Variants in JAKMIP3 observed in about 807,000 individuals in gnomAD.
JAKMIP3 encodes Janus kinase and microtubule interacting protein 3, also known as janus kinase and microtubule-interacting protein 3.
In JAKMIP3, 58 loss-of-function variants were observed where a neutral mutation model predicts 118.5. The ratio of observed to expected loss-of-function variants is 0.49; its 90% confidence interval spans 0.40 to 0.61. The LOEUF (loss-of-function observed/expected upper bound fraction) is 0.61. Ranked by LOEUF, JAKMIP3 falls within the 20% of genes least tolerant of loss-of-function variation. The pLI, the probability that JAKMIP3 is intolerant of heterozygous loss-of-function variation, is 0.00. For synonymous variants in JAKMIP3, 486 were observed against 451.2 expected, an observed-to-expected ratio of 1.08 and a Z score of -0.98; for missense variants, 950 against 1,109.0, an observed-to-expected ratio of 0.86 and a Z score of 2.04.
At chr10:132,129,355 G>A (rs999281995) in intron 3 of JAKMIP3, among the ~76,000 whole-genome samples, 2 of 152,090 alleles carry the variant, frequency 1.3e-5, no homozygotes, top group African/African-American at 2.4e-5. Flanking sequence ...CTTACCATTC[G>A]GACTCTCAGG....
chr10:132,152,023 C>T (rs1320661201), intron 16 of JAKMIP3, among the ~76,000 whole-genome samples: 1 of 152,340 alleles, frequency 6.6e-6, no homozygotes, highest in Middle Eastern at 3.4e-3. Context: ...TCAGCCTCCC[C>T]AACTTAAAGT....
intron 1 of JAKMIP3, among the ~76,000 whole-genome samples, chr10:132,097,019 C>T (rs906407288): frequency 6.6e-6 from 1 of 152,238 alleles, no homozygotes; most frequent in African/African-American, 2.4e-5. Flanking sequence ...CCAAGGCACA[C>T]AGGAGAGACG....
At chr10:132,108,785 T>C (rs2046304702) in intron 2 of JAKMIP3, among the ~76,000 whole-genome samples, 1 of 151,654 alleles carries the variant, frequency 6.6e-6, no homozygotes, top group Non-Finnish European at 1.5e-5. Flanking sequence ...GGAGAATCGC[T>C]TCAGCCCAGG....
intron 22 of JAKMIP3, among the ~76,000 whole-genome samples, chr10:132,167,348 C>T (rs1356453656): frequency 1.3e-5 from 2 of 152,210 alleles, no homozygotes; most frequent in East Asian, 3.9e-4. Context: ...CAGAAACATG[C>T]AGGACCCTCT....
chr10:132,131,600 T>G (rs2050627497), intron 3 of JAKMIP3, among the ~76,000 whole-genome samples: 2 of 151,856 alleles, frequency 1.3e-5, no homozygotes, highest in Admixed American at 1.3e-4. Context: ...TCTAGGGTTG[T>G]GAGTGGAGCA....
At chr10:132,150,177 C>T (rs2055813255) in intron 16 of JAKMIP3, 136 bp downstream of exon 16, 3 of 653,154 alleles carry the variant, frequency 4.6e-6, no homozygotes, top group South Asian at 1.8e-5. Context: ...CCACTAGGCC[C>T]AGAGCCTGCT....
chr10:132,117,389 G>A lies in JAKMIP3; in HGVS notation c.448G>A (p.Glu150Lys). Residue 150 changes from glutamate (E) to lysine (K), a missense_variant, in exon 3 of 24, where the codon GAG becomes AAG. Coordinates refer to ENST00000684848, the MANE Select transcript of JAKMIP3 (RefSeq NM_001323087.2). The surrounding 1 kb of genome is among the most constrained non-coding windows in gnomAD (Gnocchi z 8.6). ...KEEAKKGFEV[E>K]KVKMQQEISE... ...GGAGGCCAAGAAGGGGTTCGAGGTG[G>A]AGAAGGTCAAGATGCAGCAGGAGAT... The A allele has an allele frequency of 6.2e-7, 1 of 1,614,038 alleles. No homozygotes were observed. The highest frequency in any genetic ancestry group is 8.5e-7 in the Non-Finnish European group (1 of 1,179,904).
rs1438256500 is a variant in JAKMIP3 at position 132,182,422 on chromosome 10, G to A, written c.*1169G>A. On this transcript the variant is annotated 3_prime_UTR_variant, in exon 24 of 24. Coordinates refer to ENST00000684848, the MANE Select transcript of JAKMIP3 (RefSeq NM_001323087.2). ...TTTCCATTCCTGCTGGGAGACCCGG[G>A]ACGCAGCCCGGGAGCTTCGTCCAGC... 1 of 152,250 alleles carries A rather than the reference G, an allele frequency of 6.6e-6. No homozygotes were observed. The highest frequency in any genetic ancestry group is 1.5e-5 in the Non-Finnish European group (1 of 68,058). The allele number at this position is 152,250 out of a possible 1,614,324, so 9.4% of individuals were successfully genotyped here.
chr10:132,037,253 C>T (rs1010546168), intron 1 of JAKMIP3, among the ~76,000 whole-genome samples: 2 of 152,118 alleles, frequency 1.3e-5, no homozygotes, highest in African/African-American at 4.8e-5. Flanking sequence ...AAAATATTCT[C>T]TGCGTGTACC....
Position 132,184,366 on chromosome 10 carries a change from G to T in JAKMIP3, c.*3113G>T, listed in dbSNP as rs2061692926. The stretch of plus-strand genomic sequence containing the variant: ...AGAGTGCCCAAGTGTGGGTTTGGAG[G>T]CACTGACGCATTCGCCAACTCACCG... On this transcript the variant is annotated 3_prime_UTR_variant, in exon 24 of 24. Coordinates refer to ENST00000684848, the MANE Select transcript of JAKMIP3 (RefSeq NM_001323087.2). The T allele has an allele frequency of 6.6e-6, 1 of 152,186 alleles. No individual in the cohort carries two copies. Among genetic ancestry groups the T allele is most frequent in the South Asian group, 2.1e-4 (1 of 4,820 alleles). 9.4% of individuals were successfully genotyped at this position (152,186 alleles called of 1,614,324 possible). A position where few individuals can be genotyped will look rare whatever the true frequency, so the allele number is the denominator to read the frequency against.
intron 1 of JAKMIP3, among the ~76,000 whole-genome samples, chr10:132,102,243 G>A (rs1310730589): frequency 6.6e-6 from 1 of 152,144 alleles, no homozygotes; most frequent in Non-Finnish European, 1.5e-5. Flanking sequence ...TCCTCAGGAT[G>A]GAGCTGGAAA....
rs1188413798 is a variant in JAKMIP3, at chr10:132,180,702, T to TGCGC, written c.*1104-1654_*1104-1653insCGCG. Among the ~76,000 whole-genome samples the TGCGC allele has an allele frequency of 1.1e-3, 36 of 31,926 alleles. 4 individuals carry two copies. Among genetic ancestry groups the TGCGC allele is most frequent in the East Asian group, 3.4e-3 (2 of 586 alleles). 20.9% of individuals were successfully genotyped at this position (31,926 alleles called of 152,430 possible). A position where few individuals can be genotyped will look rare whatever the true frequency, so the allele number is the denominator to read the frequency against. ...GCGCGCGTGTGTGTGCGTGCGTGTG[T>TGCGC]GTGTGCGCGTGTGTGTGCGTGTGTG... On this transcript the variant is annotated intron_variant, in intron 23 of 23. Coordinates refer to ENST00000684848, the MANE Select transcript of JAKMIP3 (RefSeq NM_001323087.2).
At position 132,150,645 on chromosome 10, in the gene JAKMIP3, C is replaced by T. The variant is rs557955150; in HGVS notation, c.2007+604C>T. ...ATCTATCCTGTGTAATCCATCCATC[C>T]ATCCTCCATAATCCATGTATCCATC... On this transcript the variant is annotated intron_variant, in intron 16 of 23. Transcript: ENST00000684848. Among the ~76,000 whole-genome samples, 721 of 152,238 alleles carry T rather than the reference C, an allele frequency of 4.7e-3. 3 individuals are homozygous for T. The highest frequency in any genetic ancestry group is 0.016 in the African/African-American group (669 of 41,520).
chr10:132,136,127 C>A lies in JAKMIP3; in HGVS notation c.1116+51C>A. The A allele has an allele frequency of 8.2e-6, 13 of 1,586,216 alleles. 1 individual carries two copies. The Middle Eastern group carries it at 6.7e-4, about 82-fold the overall frequency. ...GCCACGGTCGCACCCGAGCTCCAGG[C>A]AGCATCTCCTCCCTTCTCCACGCAA... On this transcript the variant is annotated intron_variant, in intron 6 of 23. Coordinates refer to ENST00000684848, the MANE Select transcript of JAKMIP3 (RefSeq NM_001323087.2).
At chr10:132,110,569 G>C (rs948424556) in intron 2 of JAKMIP3, among the ~76,000 whole-genome samples, 3 of 152,252 alleles carry the variant, frequency 2.0e-5, no homozygotes, top group African/African-American at 2.4e-5. Context: ...TTCTGCAACT[G>C]CTTCATCACA....
At position 132,148,069 on chromosome 10, in the gene JAKMIP3, A is replaced by T. The variant is rs777059381; in HGVS notation, c.1848+19A>T. 40 of 1,533,132 alleles carry T rather than the reference A, an allele frequency of 2.6e-5. No homozygotes were observed. The highest frequency in any genetic ancestry group is 2.9e-5 in the Non-Finnish European group (32 of 1,115,790). 95.0% of individuals were successfully genotyped at this position (1,533,132 alleles called of 1,614,324 possible). A position where few individuals can be genotyped will look rare whatever the true frequency, so the allele number is the denominator to read the frequency against. On this transcript the variant is annotated intron_variant, in intron 14 of 23. Coordinates refer to ENST00000684848, the MANE Select transcript of JAKMIP3 (RefSeq NM_001323087.2). ...GCTTGAGGTAGCTGAGTGGATGGCCAGCACTGTGGCCTGTGGCTGTGTCAG... is the reference window on the plus strand; with the variant it reads ...GCTTGAGGTAGCTGAGTGGATGGCCTGCACTGTGGCCTGTGGCTGTGTCAG...
chr10:132,180,540 T>TGTGC (rs2060700511), intron 23 of JAKMIP3, among the ~76,000 whole-genome samples: 1 of 32,696 alleles, frequency 3.1e-5, no homozygotes, highest in Non-Finnish European at 5.4e-5. Context: ...TGTGTGTGTG[T>TGTGC]GTGTGCGTGC....
chr10:132,088,682 C>G (rs2042721181), intron 1 of JAKMIP3, among the ~76,000 whole-genome samples: 1 of 152,120 alleles, frequency 6.6e-6, no homozygotes, highest in African/African-American at 2.4e-5. Flanking sequence ...ATGGTAGTTT[C>G]TTTTGCTGTG....
chr10:132,082,357 G>A (rs1256005584), intron 1 of JAKMIP3, among the ~76,000 whole-genome samples: 1 of 152,036 alleles, frequency 6.6e-6, no homozygotes, highest in Non-Finnish European at 1.5e-5. Flanking sequence ...CACCCAATTT[G>A]TAGTCTTTTA....
Sources: gnomAD v4.1 joint callset for allele counts (sites outside exome capture counted in the v4.1 genomes callset) on GRCh38, gnomAD v4.1.1 for gene constraint, Gnocchi (gnomAD v3.1) non-coding constraint, MANE v1.5 for transcripts, NCBI Gene and HGNC (gene_info 2026-07-23, HGNC 2026-07-21) for gene names.